The following MAGI1 variants were observed in gnomAD, a reference collection of about 807,000 sequenced individuals.
MAGI1 encodes the protein membrane-associated guanylate kinase, WW and PDZ domain-containing protein 1.
In MAGI1, 58 loss-of-function variants were observed where a neutral mutation model predicts 139.9. The ratio of observed to expected loss-of-function variants is 0.41; its 90% confidence interval spans 0.34 to 0.52. The LOEUF is 0.52. Among genes scored for constraint, MAGI1 ranks in the 20% least tolerant of loss-of-function variants. The pLI is 0.12. For synonymous variants in MAGI1, 812 were observed against 737.9 expected, an observed-to-expected ratio of 1.10 and a Z score of -1.63; for missense variants, 1,874 against 1,901.6, an observed-to-expected ratio of 0.99 and a Z score of 0.27.
intron 14 of MAGI1, among the ~76,000 whole-genome samples, chr3:65,386,957 A>T (rs1943490525): frequency 6.6e-6 from 1 of 152,216 alleles, no homozygotes; most frequent in Non-Finnish European, 1.5e-5. Flanking sequence ...AAGGGCATGC[A>T]AAACCCTTTT....
chr3:65,667,810 C>T (rs921598856), intron 1 of MAGI1, among the ~76,000 whole-genome samples: 2 of 152,094 alleles, frequency 1.3e-5, no homozygotes, highest in African/African-American at 2.4e-5. Context: ...GTAATCCACC[C>T]ACCTTGGCCT....
chr3:65,353,904 G>A lies in MAGI1; in HGVS notation c.*2474C>T, dbSNP rs1448476534. The stretch of plus-strand genomic sequence containing the variant: ...AAACAAATCTGATGTGTGGAATTCA[G>A]GTGAAACTGCCACACCAAAAAGTCC... On this transcript the variant is annotated 3_prime_UTR_variant, in exon 23 of 23. Transcript: ENST00000402939. The A allele has an allele frequency of 6.6e-6, 1 of 152,188 alleles. No individual in the cohort carries two copies. Among genetic ancestry groups the A allele is most frequent in the Non-Finnish European group, 1.5e-5 (1 of 68,036 alleles). 9.4% of individuals were successfully genotyped at this position (152,188 alleles called of 1,614,324 possible). A position where few individuals can be genotyped will look rare whatever the true frequency, so the allele number is the denominator to read the frequency against.
At chr3:65,436,404 C>A (rs1233856313) in intron 10 of MAGI1, among the ~76,000 whole-genome samples, 1 of 152,012 alleles carries the variant, frequency 6.6e-6, no homozygotes, top group Admixed American at 6.6e-5. Context: ...AGTAATGAGG[C>A]CTGAAAGTTG....
chr3:65,718,937 T>C (rs2032624183), intron 1 of MAGI1, among the ~76,000 whole-genome samples: 1 of 150,616 alleles, frequency 6.6e-6, no homozygotes, highest in Non-Finnish European at 1.5e-5. Context: ...GTCAATTCCC[T>C]TTTCCTGCCC....
Position 65,422,153 on chromosome 3 carries a change from G to A in MAGI1, c.2167+7367C>T, listed in dbSNP as rs552555411. 1.4e-4 allele frequency among the ~76,000 whole-genome samples: 22 copies of A among 152,268 alleles called. No homozygotes were observed. The East Asian group carries it at 3.9e-3, about 27-fold the overall frequency. On this transcript the variant is annotated intron_variant, in intron 12 of 22. Transcript: ENST00000402939. ...TTCTCTGTCTACACTGTCCTATATC[G>A]TAGCCACTCGCCACATGTGGCTATG...
At chr3:65,699,491 T>G (rs1412195529) in intron 1 of MAGI1, among the ~76,000 whole-genome samples, 1 of 138,282 alleles carries the variant, frequency 7.2e-6, no homozygotes, top group African/African-American at 2.9e-5. Flanking sequence ...TGTCCAACAA[T>G]GATAGACTGG....
chr3:65,891,886 A>T (rs1395510747), intron 1 of MAGI1, among the ~76,000 whole-genome samples: 1 of 438 alleles, frequency 2.3e-3, no homozygotes, highest in African/African-American at 5.4e-3. Flanking sequence ...TTAAAGTATA[A>T]TATATATATA....
chr3:65,827,791 CTT>C (rs1446785497), intron 1 of MAGI1, among the ~76,000 whole-genome samples: 1 of 152,146 alleles, frequency 6.6e-6, no homozygotes, highest in Non-Finnish European at 1.5e-5. Flanking sequence ...TCTCTTGTCT[CTT>C]GTCAGTACTC....
At chr3:65,470,692 A>G (rs745561144) in intron 4 of MAGI1, among the ~76,000 whole-genome samples, 2 of 152,198 alleles carry the variant, frequency 1.3e-5, no homozygotes, top group Admixed American at 1.3e-4. Context: ...GAAATGATCA[A>G]TGAAATTTAT....
chr3:65,785,602 G>A (rs1404183671), intron 1 of MAGI1, among the ~76,000 whole-genome samples: 1 of 152,162 alleles, frequency 6.6e-6, no homozygotes, highest in Non-Finnish European at 1.5e-5. Context: ...CACAGGAAAT[G>A]AAACATGTTA....
chr3:65,523,421 G>A (rs1254026776), intron 2 of MAGI1, among the ~76,000 whole-genome samples: 2 of 151,554 alleles, frequency 1.3e-5, no homozygotes, highest in African/African-American at 4.9e-5. Flanking sequence ...AAGAGAGGGA[G>A]GCGAAGAGAG....
intron 3 of MAGI1, among the ~76,000 whole-genome samples, chr3:65,491,103 C>T (rs938315434): frequency 6.6e-6 from 1 of 152,094 alleles, no homozygotes; most frequent in Non-Finnish European, 1.5e-5. Flanking sequence ...GCTTCAAGTA[C>T]TAATGGGTTA....
chr3:65,563,937 A>C (rs1339966301), intron 2 of MAGI1, among the ~76,000 whole-genome samples: 1 of 152,168 alleles, frequency 6.6e-6, no homozygotes, highest in African/African-American at 2.4e-5. Context: ...CATTTACTGA[A>C]GTAGATAATG....
At chr3:65,965,603 T>G (rs533019670) in intron 1 of MAGI1, among the ~76,000 whole-genome samples, 1 of 152,084 alleles carries the variant, frequency 6.6e-6, no homozygotes, top group Non-Finnish European at 1.5e-5. Context: ...AGGAATGAAT[T>G]TGAACTGAAG....
At chr3:65,396,349 T>C (rs1944393368) in intron 13 of MAGI1, among the ~76,000 whole-genome samples, 1 of 152,122 alleles carries the variant, frequency 6.6e-6, no homozygotes, top group African/African-American at 2.4e-5. Context: ...TCCATAAAGG[T>C]CTTTGGCCAC....
chr3:65,546,900 A>C (rs946620739), intron 2 of MAGI1, among the ~76,000 whole-genome samples: 14 of 152,314 alleles, frequency 9.2e-5, no homozygotes, highest in South Asian at 2.1e-4. Context: ...TCTAATTTCA[A>C]ATGTAGACCT....
intron 21 of MAGI1, among the ~76,000 whole-genome samples, chr3:65,363,249 C>A (rs892492984): frequency 6.6e-6 from 1 of 152,188 alleles, no homozygotes; most frequent in Non-Finnish European, 1.5e-5. Context: ...CCTATATCAA[C>A]CCCAAAGAGT....
In MAGI1 at chr3:65,507,957, T is replaced by C. The variant is rs562265190; in HGVS notation, c.431-14326A>G. 7.2e-4 allele frequency among the ~76,000 whole-genome samples: 109 copies of C among 152,248 alleles called. No individual in the cohort carries two copies. The East Asian group carries it at 0.019, about 26-fold the overall frequency. The stretch of plus-strand genomic sequence containing the variant: ...TTACTAATGCTTCTAAACATTTGCT[T>C]GGAAAATGCAGACAGTGAGGAACAG... On this transcript the variant is annotated intron_variant, in intron 2 of 22. Transcript: ENST00000402939.
chr3:65,427,750 GT>G (rs1477920937), intron 12 of MAGI1, among the ~76,000 whole-genome samples: 1 of 152,194 alleles, frequency 6.6e-6, no homozygotes, highest in African/African-American at 2.4e-5. Context: ...TCACAGGGAA[GT>G]GACAAATATC....
Sources: gnomAD v4.1 joint callset for allele counts (sites outside exome capture counted in the v4.1 genomes callset) on GRCh38, gnomAD v4.1.1 for gene constraint, MANE v1.5 for transcripts, NCBI Gene and HGNC (gene_info 2026-07-23, HGNC 2026-07-21) for gene names.